DPP6: variants seen among roughly 807,000 people sequenced by gnomAD.
The protein encoded by DPP6 is dipeptidyl peptidase like 6.
DPP6 carries 69 observed loss-of-function variants against 122.6 expected under a neutral mutation model. The ratio of observed to expected loss-of-function variants is 0.56; its 90% CI spans 0.46 to 0.69. The LOEUF (loss-of-function observed/expected upper bound fraction) is 0.69, where lower values mean the gene tolerates loss of function less well. DPP6 is among the 30% of genes least tolerant of loss of function. The probability of loss-of-function intolerance (pLI) is 0.00; values close to 1 mark genes in which losing one functional copy is unlikely to be tolerated. For missense variants in DPP6, 928 were observed against 1,116.9 expected (o/e 0.83, Z 2.41); for synonymous variants, 418 against 433.1 (o/e 0.97, Z 0.43).
chr7:153,975,559 AG>A (rs200241931), intron 1 of DPP6, among the ~76,000 whole-genome samples: 8,011 of 149,412 alleles, frequency 0.054, 696 homozygotes, highest in African/African-American at 0.18. Context: ...AAAAAAAAAA[AG>A]AAAATACTGC....
chr7:154,638,342 C>T (rs1389622353), intron 6 of DPP6, among the ~76,000 whole-genome samples: 2 of 152,196 alleles, frequency 1.3e-5, no homozygotes, highest in Admixed American at 1.3e-4. Context: ...CGGTAAACTA[C>T]TCTGGTCAGA....
At chr7:154,197,144 C>T (rs1421263557) in intron 1 of DPP6, among the ~76,000 whole-genome samples, 6 of 151,986 alleles carry the variant, frequency 3.9e-5, no homozygotes, top group Non-Finnish European at 7.4e-5. Context: ...CTGCCACCCA[C>T]GGCACAGCCT....
chr7:154,399,641 G>A (rs1419156034), intron 1 of DPP6, among the ~76,000 whole-genome samples: 1 of 152,094 alleles, frequency 6.6e-6, no homozygotes, highest in Non-Finnish European at 1.5e-5. Flanking sequence ...AAAGAACTGT[G>A]TGCATCTTGC....
intron 21 of DPP6, among the ~76,000 whole-genome samples, chr7:154,883,343 C>T (rs546264102): frequency 3.2e-4 from 47 of 148,840 alleles, no homozygotes; most frequent in South Asian, 6.5e-4. Context: ...GTCACACACA[C>T]GCTCATACAC....
intron 1 of DPP6, among the ~76,000 whole-genome samples, chr7:153,922,069 A>G (rs576882679): frequency 2.0e-5 from 3 of 152,220 alleles, no homozygotes; most frequent in Non-Finnish European, 4.4e-5. Flanking sequence ...TTCAACCGAT[A>G]CGGTCCTGAG....
At chr7:154,436,707 A>G (rs1818898265) in intron 1 of DPP6, among the ~76,000 whole-genome samples, 2 of 152,196 alleles carry the variant, frequency 1.3e-5, no homozygotes, top group Admixed American at 6.5e-5. Context: ...ATTCAGGTCT[A>G]GAAACAGAGG....
chr7:154,201,602 C>T (rs766898672), intron 1 of DPP6, among the ~76,000 whole-genome samples: 6 of 152,208 alleles, frequency 3.9e-5, no homozygotes, highest in Non-Finnish European at 8.8e-5. Context: ...GCAGGTCCCA[C>T]GCCGGACTGT....
the DPP6 span, among the ~76,000 whole-genome samples, chr7:153,786,455 A>G: frequency 4.0e-5 from 6 of 151,332 alleles, no homozygotes; most frequent in East Asian, 1.2e-3. Flanking sequence ...ATGGTATACT[A>G]CTGGCCGGGC....
At chr7:154,520,547 T>C (rs1047183542) in intron 3 of DPP6, among the ~76,000 whole-genome samples, 1 of 152,260 alleles carries the variant, frequency 6.6e-6, no homozygotes, top group African/African-American at 2.4e-5. Context: ...TGGAGCTTTT[T>C]GTCACCGTTG....
At chr7:154,530,885 C>T (rs1463851783) in intron 3 of DPP6, among the ~76,000 whole-genome samples, 1 of 152,082 alleles carries the variant, frequency 6.6e-6, no homozygotes, top group African/African-American at 2.4e-5. Context: ...CCTCAGCAAA[C>T]TAACACAGGA....
At chr7:154,528,001 CAA>C (rs1057330482) in intron 3 of DPP6, among the ~76,000 whole-genome samples, 1 of 148,592 alleles carries the variant, frequency 6.7e-6, no homozygotes, top group Non-Finnish European at 1.5e-5. Flanking sequence ...AAAAAAAAAA[CAA>C]AAAAGGAATC....
chr7:154,241,677 A>G lies in DPP6; in HGVS notation c.243+188614A>G, dbSNP rs904472873. On this transcript the variant is annotated intron_variant, in intron 1 of 25. Transcript: ENST00000377770. This position sits in a 1 kb window ranked among gnomAD's most constrained non-coding sequence, Gnocchi z 9.0. ...AAATTATATTACTTTCTGACTCAAT[A>G]TCATACAAACCGGCACTTATCACAT... 1.3e-5 allele frequency among the ~76,000 whole-genome samples: 2 copies of G among 152,214 alleles called. No homozygotes were observed. Among genetic ancestry groups the G allele is most frequent in the African/African-American group, 2.4e-5 (1 of 41,448 alleles).
chr7:153,895,595 A>G (rs536691037), intron 1 of DPP6, among the ~76,000 whole-genome samples: 74 of 148,242 alleles, frequency 5.0e-4, no homozygotes, highest in African/African-American at 1.7e-3. Flanking sequence ...GTATACGGGG[A>G]AAACAAATAG....
intron 1 of DPP6, among the ~76,000 whole-genome samples, chr7:154,298,506 T>A (rs73491253): frequency 0.081 from 12,259 of 152,198 alleles, 823 homozygotes; most frequent in African/African-American, 0.18. Context: ...TTCTTACTAA[T>A]AAAGAATTTA....
At chr7:154,834,725 A>T (rs186585946) in intron 16 of DPP6, among the ~76,000 whole-genome samples, 3 of 152,232 alleles carry the variant, frequency 2.0e-5, no homozygotes, top group African/African-American at 7.2e-5. Context: ...TGGGATCGTG[A>T]TGTTCACGGC....
chr7:154,690,476 A>G (rs978619984), intron 7 of DPP6, among the ~76,000 whole-genome samples: 1 of 152,142 alleles, frequency 6.6e-6, no homozygotes, highest in African/African-American at 2.4e-5. Context: ...GTCTTCCATG[A>G]TGAGCTGGGG....
intron 1 of DPP6, among the ~76,000 whole-genome samples, chr7:154,053,550 A>T (rs1460533146): frequency 6.7e-6 from 1 of 148,540 alleles, no homozygotes; most frequent in Non-Finnish European, 1.5e-5. Context: ...CTGTCCCTTG[A>T]CTCAAATGCC....
chr7:153,915,085 T>C (rs998442699), intron 1 of DPP6, among the ~76,000 whole-genome samples: 1 of 152,204 alleles, frequency 6.6e-6, no homozygotes, highest in Non-Finnish European at 1.5e-5. Context: ...GGAAGTGAAT[T>C]CTTTCTTATA....
rs1800530743 is a variant in DPP6 at position 154,830,267 on chromosome 7, G to A, written c.1666+23155G>A. On this transcript the variant is annotated intron_variant, in intron 16 of 25. Transcript: ENST00000377770. ...TTCCATCTGGCTTCCTCTGTCTATC[G>A]ATTGCTCTCACAAGGTCTCTGCTCA... Among the ~76,000 whole-genome samples the A allele has an allele frequency of 2.6e-5, 4 of 151,824 alleles. No individual in the cohort carries two copies. In the South Asian group the frequency reaches 6.3e-4, roughly 24 times the overall value.
Sources: allele counts gnomAD v4.1 joint callset (sites outside exome capture counted in the v4.1 genomes callset), GRCh38; gene constraint gnomAD v4.1.1; non-coding constraint Gnocchi (gnomAD v3.1); transcripts MANE v1.5; gene names NCBI Gene and HGNC (gene_info 2026-07-23, HGNC 2026-07-21).